Variants in NDST3 observed in about 807,000 individuals in gnomAD.
NDST3 encodes bifunctional heparan sulfate N-deacetylase/N-sulfotransferase 3.
Under a neutral mutation model 96.1 loss-of-function variants are expected in NDST3, and 58 were observed. The observed-to-expected ratio is 0.60, with a 90% confidence interval of 0.49 to 0.75. NDST3 has a LOEUF of 0.75. NDST3 is among the 30% of genes least tolerant of loss of function. NDST3 has a pLI of 0.00. For synonymous variants in NDST3, 333 were observed against 359.7 expected (o/e 0.93, Z 0.84); for missense variants, 788 against 1,034.2 (o/e 0.76, Z 3.27).
intron 6 of NDST3, among the ~76,000 whole-genome samples, chr4:118,149,251 T>A (rs192364690): frequency 1.3e-5 from 2 of 152,112 alleles, no homozygotes; most frequent in East Asian, 3.9e-4. Context: ...CTTTTTTGGT[T>A]CCATATGAAC....
Position 118,237,085 on chromosome 4 carries a change from C to A in NDST3, c.1983C>A (p.Thr661=). 6.2e-7 allele frequency: 1 copy of A among 1,611,282 alleles called. No homozygotes were observed. The highest frequency in any genetic ancestry group is 8.5e-7 in the Non-Finnish European group (1 of 1,178,498). ...TCCCAGTCCCATCTAATGTCACTAC[C>A]GACTTTTTGTTTGAGAAGAGTGCCA... is the stretch of plus-strand genomic sequence containing the variant. The part of the protein sequence containing the change: ...DFFPVPSNVT[T]DFLFEKSANY... The change falls in exon 10 of 14, where the codon ACC becomes ACA. Residue 661 remains threonine (T), a synonymous_variant. Coordinates refer to ENST00000296499, the MANE Select transcript of NDST3 (RefSeq NM_004784.3).
At chr4:118,223,050 A>G (rs777236978) in intron 6 of NDST3, among the ~76,000 whole-genome samples, 25 of 152,016 alleles carry the variant, frequency 1.6e-4, no homozygotes, top group Non-Finnish European at 3.1e-4. Context: ...GGTTAAAAAT[A>G]CACATTTTTA....
In NDST3 at chr4:118,085,808, C is replaced by T. The variant is rs150197786; in HGVS notation, c.982-19210C>T. On this transcript the variant is annotated intron_variant, in intron 2 of 13. Transcript: ENST00000296499. ...TCATGAGAAAACCAGAACACAAAGC[C>T]ATGAAATGAAGAATTTCATTCTGTC... Among the ~76,000 whole-genome samples the T allele has an allele frequency of 4.3e-3, 653 of 152,248 alleles. 6 individuals are homozygous for T. Among genetic ancestry groups the T allele is most frequent in the East Asian group, 3.3e-3 (17 of 5,184 alleles).
intron 2 of NDST3, among the ~76,000 whole-genome samples, chr4:118,093,660 T>C (rs1320351882): frequency 6.6e-6 from 1 of 151,890 alleles, no homozygotes; most frequent in African/African-American, 2.4e-5. Flanking sequence ...ACTTATCGTA[T>C]CTAATCTGCT....
chr4:118,077,595 G>T (rs1162191802), intron 2 of NDST3, among the ~76,000 whole-genome samples: 1 of 152,168 alleles, frequency 6.6e-6, no homozygotes, highest in African/African-American at 2.4e-5. Flanking sequence ...CCCTCAGGCA[G>T]GGACCACGTT....
intron 6 of NDST3, among the ~76,000 whole-genome samples, chr4:118,152,604 T>C (rs971915780): frequency 6.6e-6 from 1 of 152,164 alleles, no homozygotes; most frequent in Middle Eastern, 3.2e-3. Flanking sequence ...AATAAAACTT[T>C]AAACAAGGTA....
chr4:118,138,105 G>T lies in NDST3; in HGVS notation c.1276G>T (p.Gly426Cys), dbSNP rs1182733715. ...CTACGCTGTGGCCCCTCACCATTCG[G>T]GCGTCTACCCTGTACATGTTCAGCT... ...MGYAVAPHHS[G>C]VYPVHVQLYE... Residue 426 changes from glycine to cysteine, a missense_variant, in exon 5 of 14, where the codon GGC (glycine) becomes TGC (cysteine). By Grantham distance (159) the Gly-to-Cys change is radical. Transcript: ENST00000296499. The T allele has an allele frequency of 6.2e-7, 1 of 1,613,518 alleles. No homozygotes were observed. Among genetic ancestry groups the T allele is most frequent in the Non-Finnish European group, 8.5e-7 (1 of 1,179,708 alleles).
chr4:118,093,211 GATTAT>G (rs565998074), intron 2 of NDST3, among the ~76,000 whole-genome samples: 261 of 151,862 alleles, frequency 1.7e-3, no homozygotes, highest in African/African-American at 6.1e-3. Flanking sequence ...ATTTATTTTA[GATTAT>G]ATTAATTTTT....
At chr4:118,154,980 A>G (rs1035206261) in intron 6 of NDST3, among the ~76,000 whole-genome samples, 8 of 152,354 alleles carry the variant, frequency 5.3e-5, no homozygotes, top group African/African-American at 1.9e-4. Flanking sequence ...TTTTGAGAAA[A>G]GCTGTAATAA....
At chr4:118,155,694 T>C (rs1168507443) in intron 6 of NDST3, among the ~76,000 whole-genome samples, 1 of 152,236 alleles carries the variant, frequency 6.6e-6, no homozygotes, top group Non-Finnish European at 1.5e-5. Flanking sequence ...AATGGTAAAA[T>C]TGGTTTTGTT....
intron 6 of NDST3, chr4:118,193,380 CAGGAGT>C: frequency 1.8e-6 from 1 of 554,696 alleles, no homozygotes; most frequent in East Asian, 3.4e-5. Context: ...CAGGCAGCCA[CAGGAGT>C]AGGGCTGGTG....
intron 6 of NDST3, among the ~76,000 whole-genome samples, chr4:118,156,846 C>T (rs565138448): frequency 3.9e-5 from 6 of 152,264 alleles, no homozygotes; most frequent in South Asian, 2.1e-4. Flanking sequence ...CATCCTAGTG[C>T]GTGAGCAAAT....
intron 2 of NDST3, among the ~76,000 whole-genome samples, chr4:118,059,607 G>C (rs1351886437): frequency 6.6e-6 from 1 of 152,048 alleles, no homozygotes; most frequent in South Asian, 2.1e-4. Context: ...GTAAAGGTGC[G>C]CTCTGTGCTG....
intron 6 of NDST3, among the ~76,000 whole-genome samples, chr4:118,205,581 C>A (rs1162840483): frequency 6.9e-6 from 1 of 144,312 alleles, no homozygotes; most frequent in East Asian, 2.0e-4. Flanking sequence ...TTTATTTCTT[C>A]AACTTTAGAG....
intron 2 of NDST3, among the ~76,000 whole-genome samples, chr4:118,097,233 G>A (rs1729388547): frequency 6.6e-6 from 1 of 151,812 alleles, no homozygotes; most frequent in Admixed American, 6.6e-5. Context: ...CAATTTTTAG[G>A]ACCTCAACTG....
chr4:118,237,144 C>G lies in NDST3; in HGVS notation c.2042C>G (p.Ala681Gly). ...YFHSEEAPKR[A>G]ASLVPKAKII... Reference sequence around the variant, plus strand: ...CACTCAGAGGAAGCCCCTAAAAGAGCTGCTTCTCTGGTTCCCAAAGCCAAG... The same window carrying G: ...CACTCAGAGGAAGCCCCTAAAAGAGGTGCTTCTCTGGTTCCCAAAGCCAAG... Residue 681 changes from alanine to glycine, a missense_variant, in exon 10 of 14, where the codon GCT becomes GGT. Ala to Gly is a moderately conservative substitution (Grantham distance 60, BLOSUM62 0). This residue lies in a region of NDST3 where 490 missense variants were observed against 708.8 expected (regional missense o/e 0.69). Transcript: ENST00000296499. The G allele has an allele frequency of 6.2e-7, 1 of 1,613,614 alleles. No individual in the cohort carries two copies. Among genetic ancestry groups the G allele is most frequent in the Non-Finnish European group, 8.5e-7 (1 of 1,179,726 alleles).
intron 6 of NDST3, among the ~76,000 whole-genome samples, chr4:118,156,888 A>G (rs2125920932): frequency 6.6e-6 from 1 of 152,334 alleles, no homozygotes; most frequent in Admixed American, 6.5e-5. Context: ...ATTTAACAAC[A>G]TCTAACAAAT....
intron 6 of NDST3, among the ~76,000 whole-genome samples, chr4:118,168,395 T>C (rs952571370): frequency 3.2e-4 from 49 of 152,152 alleles, no homozygotes; most frequent in African/African-American, 1.1e-3. Flanking sequence ...AATTCATATA[T>C]ATAAATATAA....
intron 13 of NDST3, among the ~76,000 whole-genome samples, chr4:118,254,225 G>C (rs1267509501): frequency 7.1e-6 from 1 of 141,298 alleles, no homozygotes; most frequent in South Asian, 2.3e-4. Context: ...AGCCTGGGCA[G>C]CAAGAGTGAA....
Sources: allele counts gnomAD v4.1 joint callset (sites outside exome capture counted in the v4.1 genomes callset), GRCh38; gene constraint gnomAD v4.1.1; regional missense constraint gnomAD v4.1.1; transcripts MANE v1.5; gene names NCBI Gene and HGNC (gene_info 2026-07-23, HGNC 2026-07-21).